CDH12: variants seen among roughly 807,000 people sequenced by gnomAD.
CDH12 encodes cadherin 12, also known as cadherin-12.
CDH12 carries 41 observed loss-of-function variants against 74.1 expected under a neutral mutation model. The ratio of observed to expected loss-of-function variants is 0.55; its 90% confidence interval spans 0.43 to 0.72. The LOEUF (loss-of-function observed/expected upper bound fraction) is 0.72. CDH12 is among the 30% of genes least tolerant of loss of function. CDH12 has a pLI of 0.00. For synonymous variants in CDH12, 399 were observed against 355.0 expected (o/e 1.12, Z -1.39); for missense variants, 945 against 977.2 (o/e 0.97, Z 0.44).
chr5:22,196,348 T>TGGAGA (rs1750620011), intron 4 of CDH12, among the ~76,000 whole-genome samples: 1 of 152,014 alleles, frequency 6.6e-6, no homozygotes, highest in African/African-American at 2.4e-5. Flanking sequence ...TTTCACCATG[T>TGGAGA]TGGCCAGGAT....
At chr5:21,980,903 A>G (rs1455263851) in intron 5 of CDH12, among the ~76,000 whole-genome samples, 6 of 152,140 alleles carry the variant, frequency 3.9e-5, no homozygotes, top group Non-Finnish European at 8.8e-5. Flanking sequence ...ATCAGTTTAA[A>G]CTGATCAAAA....
At chr5:21,864,741 A>G (rs914146291) in intron 6 of CDH12, among the ~76,000 whole-genome samples, 1 of 152,206 alleles carries the variant, frequency 6.6e-6, no homozygotes, top group African/African-American at 2.4e-5. Flanking sequence ...AAACTATGAA[A>G]AAACCTAGAT....
intron 11 of CDH12, among the ~76,000 whole-genome samples, chr5:21,777,255 T>A (rs1745641221): frequency 6.6e-6 from 1 of 152,138 alleles, no homozygotes; most frequent in African/African-American, 2.4e-5. Context: ...TTATTGAGCA[T>A]AGATAGAAAT....
At chr5:22,226,512 G>C (rs1019599874) in intron 3 of CDH12, among the ~76,000 whole-genome samples, 2 of 151,824 alleles carry the variant, frequency 1.3e-5, no homozygotes, top group South Asian at 4.1e-4. Context: ...GGAGAATGTG[G>C]ACCTCTGAGA....
chr5:21,816,650 A>G (rs963984670), intron 9 of CDH12, among the ~76,000 whole-genome samples: 2 of 145,552 alleles, frequency 1.4e-5, no homozygotes, highest in African/African-American at 2.5e-5. Context: ...AAAAAAAAAA[A>G]AAAGAATAGA....
chr5:22,595,971 G>T (rs1736584111), intron 1 of CDH12, among the ~76,000 whole-genome samples: 1 of 151,218 alleles, frequency 6.6e-6, no homozygotes. Flanking sequence ...AGCCTGGCGT[G>T]GTGGTGGGCA....
chr5:22,450,505 T>C (rs1038035017), intron 2 of CDH12, among the ~76,000 whole-genome samples: 6 of 152,040 alleles, frequency 3.9e-5, no homozygotes, highest in Non-Finnish European at 7.4e-5. Context: ...TTTATTTTAG[T>C]ATATTTTCCA....
At chr5:22,684,353 T>C (rs146784807) in intron 1 of CDH12, among the ~76,000 whole-genome samples, 324 of 152,330 alleles carry the variant, frequency 2.1e-3, no homozygotes, top group African/African-American at 7.0e-3. Flanking sequence ...ACAATTAAGT[T>C]GTTATTGAAT....
At chr5:21,987,009 A>C (rs530734221) in intron 5 of CDH12, among the ~76,000 whole-genome samples, 181 of 152,178 alleles carry the variant, frequency 1.2e-3, no homozygotes, top group African/African-American at 4.2e-3. Flanking sequence ...ATTTATTTGC[A>C]TATGCACTTA....
intron 5 of CDH12, among the ~76,000 whole-genome samples, chr5:22,001,885 A>G (rs1736626894): frequency 6.6e-6 from 1 of 151,812 alleles, no homozygotes; most frequent in South Asian, 2.1e-4. Context: ...GAGTTGCTGT[A>G]TAAGACCCAG....
intron 1 of CDH12, among the ~76,000 whole-genome samples, chr5:22,660,915 CT>C (rs1340753265): frequency 6.6e-6 from 1 of 152,090 alleles, no homozygotes; most frequent in East Asian, 1.9e-4. Flanking sequence ...ATTAAAAACA[CT>C]TTGCTTTTTC....
At chr5:22,813,676 CGGG>C (rs1340870184) in intron 1 of CDH12, among the ~76,000 whole-genome samples, 3 of 152,064 alleles carry the variant, frequency 2.0e-5, no homozygotes, top group Non-Finnish European at 4.4e-5. Flanking sequence ...AAAGTCATCT[CGGG>C]GTGGCTCACA....
At chr5:21,813,848 C>A (rs1294957602) in intron 9 of CDH12, among the ~76,000 whole-genome samples, 2 of 152,072 alleles carry the variant, frequency 1.3e-5, no homozygotes, top group African/African-American at 4.8e-5. Flanking sequence ...GCCTTTTACC[C>A]CTTCATCCTA....
At chr5:22,538,594 A>C (rs1737967435) in intron 1 of CDH12, among the ~76,000 whole-genome samples, 1 of 152,232 alleles carries the variant, frequency 6.6e-6, no homozygotes, top group African/African-American at 2.4e-5. Flanking sequence ...TGGGGCTGGC[A>C]AGAGGCAAAA....
chr5:22,184,502 G>A (rs1040927919), intron 4 of CDH12, among the ~76,000 whole-genome samples: 1 of 152,128 alleles, frequency 6.6e-6, no homozygotes, highest in African/African-American at 2.4e-5. Flanking sequence ...TGTCCTCTGT[G>A]TCTAAAATGT....
chr5:22,821,002 C>T (rs1396863766), intron 1 of CDH12, among the ~76,000 whole-genome samples: 6 of 152,028 alleles, frequency 3.9e-5, no homozygotes, highest in East Asian at 1.9e-4. Flanking sequence ...ACTGGCAAAC[C>T]GAATCCAGCA....
intron 4 of CDH12, among the ~76,000 whole-genome samples, chr5:22,184,863 A>C (rs115097581): frequency 6.6e-6 from 1 of 152,078 alleles, no homozygotes; most frequent in Non-Finnish European, 1.5e-5. Flanking sequence ...TTTTTAAAAA[A>C]CTTTTAAGTT....
intron 6 of CDH12, among the ~76,000 whole-genome samples, chr5:21,871,588 C>A (rs1370150846): frequency 2.0e-5 from 3 of 152,072 alleles, no homozygotes; most frequent in African/African-American, 7.2e-5. Flanking sequence ...AAAAAATTAG[C>A]TGGGCGTGGT....
chr5:22,293,929 A>G (rs1453090242), intron 3 of CDH12, among the ~76,000 whole-genome samples: 1 of 152,150 alleles, frequency 6.6e-6, no homozygotes, highest in Non-Finnish European at 1.5e-5. Context: ...AGAATTTAGA[A>G]TATATTGTAT....
Sources: gnomAD v4.1 joint callset for allele counts (sites outside exome capture counted in the v4.1 genomes callset) on GRCh38, gnomAD v4.1.1 for gene constraint, MANE v1.5 for transcripts, NCBI Gene and HGNC (gene_info 2026-07-23, HGNC 2026-07-21) for gene names.